The following EDC3 variants were observed in gnomAD, a reference collection of about 807,000 sequenced individuals.
The protein encoded by EDC3 is enhancer of mRNA-decapping protein 3.
In EDC3, 20 loss-of-function variants were observed where a neutral mutation model predicts 41.8. That is an observed-to-expected ratio of 0.48 (90% CI 0.34 to 0.70). The LOEUF is 0.70. Ranked by LOEUF, EDC3 falls within the 30% of genes least tolerant of loss-of-function variation. The pLI, the probability that EDC3 is intolerant of heterozygous loss-of-function variation, is 0.01. For synonymous variants in EDC3, 206 were observed against 243.2 expected (o/e 0.85, Z 1.42); for missense variants, 444 against 636.8 (o/e 0.70, Z 3.26).
Position 74,655,717 on chromosome 15 carries a change from A to T in EDC3, c.820+16T>A. On this transcript the variant is annotated intron_variant, in intron 4 of 6. Transcript: ENST00000315127. ...GCAACAGCAACCAGCAGGATGTGGG[A>T]CCTGATGCAACTCACCCGTGCAGAA... 6.3e-7 allele frequency: 1 copy of T among 1,589,324 alleles called. No homozygotes were observed. The highest frequency in any genetic ancestry group is 1.3e-5 in the African/African-American group (1 of 74,264).
chr15:74,675,226 C>T, intron 1 of EDC3, 84 bp from the exon 2 acceptor site: 1 of 1,286,754 alleles, frequency 7.8e-7, no homozygotes, highest in Non-Finnish European at 1.1e-6. Flanking sequence ...AGGCTCTGTA[C>T]CAAGTGTTGG....
chr15:74,639,252 TA>T (rs1471524417), intron 5 of EDC3: 2 of 141,972 alleles, frequency 1.4e-5, no homozygotes, highest in African/African-American at 2.5e-5. Flanking sequence ...AACACAAGAC[TA>T]ACTATGTCAT....
At chr15:74,646,001 A>G (rs1400411862) in intron 4 of EDC3, among the ~76,000 whole-genome samples, 3 of 151,140 alleles carry the variant, frequency 2.0e-5, no homozygotes, top group African/African-American at 7.4e-5. Context: ...GGGGAAACAG[A>G]GAAAATAAAA....
chr15:74,675,703 AC>A (rs1390248323), intron 1 of EDC3, among the ~76,000 whole-genome samples: 4 of 150,554 alleles, frequency 2.7e-5, no homozygotes, highest in Non-Finnish European at 4.4e-5. Context: ...ACACGGTGAA[AC>A]CCCGTCTCTA....
intron 3 of EDC3, among the ~76,000 whole-genome samples, chr15:74,659,688 T>C (rs991827885): frequency 2.0e-5 from 3 of 150,356 alleles, no homozygotes; most frequent in African/African-American, 4.9e-5. Context: ...TTGGGCAACA[T>C]AGTGGGACCC....
Position 74,671,776 on chromosome 15 carries a change from T to C in EDC3, c.165-2A>G. 6.2e-7 allele frequency: 1 copy of C among 1,610,452 alleles called. No individual in the cohort carries two copies. The stretch of plus-strand genomic sequence containing the variant: ...TTTAACTCCGTAATGTCACCTGCCC[T>C]GAAATACACAAAAAAGCCAAGTCTC... On this transcript the variant is annotated splice_acceptor_variant, in intron 2 of 6. Transcript: ENST00000315127. LOFTEE classifies it high-confidence loss of function. This position sits in a 1 kb window ranked among gnomAD's most constrained non-coding sequence, Gnocchi z 4.6.
In EDC3 at chr15:74,632,359, G is replaced by GC; in HGVS notation, c.*252dup. 8 of 549,984 alleles carry GC rather than the reference G, an allele frequency of 1.5e-5. No individual in the cohort carries two copies. In the South Asian group the frequency reaches 1.7e-4, roughly 12 times the overall value. The allele number at this position is 549,984 out of a possible 1,614,324, so 34.1% of individuals were successfully genotyped here. A position where few individuals can be genotyped will look rare whatever the true frequency, so the allele number is the denominator to read the frequency against. ...TGTAAACAAAGGCCCACCTGGCCGT[G>GC]CAGGGGGCTGAGGGTAGAGATGCCT... On this transcript the variant is annotated 3_prime_UTR_variant, in exon 7 of 7. Transcript: ENST00000315127. The surrounding 1 kb of genome is among the most constrained non-coding windows in gnomAD (Gnocchi z 4.0).
intron 1 of EDC3, among the ~76,000 whole-genome samples, chr15:74,685,416 TATAG>T (rs150352914): frequency 1.5e-4 from 22 of 151,366 alleles, no homozygotes; most frequent in Admixed American, 3.3e-4. Flanking sequence ...ACAAAAAGTA[TATAG>T]ATAGATAGAT....
intron 1 of EDC3, among the ~76,000 whole-genome samples, chr15:74,682,929 G>A (rs2141672708): frequency 6.6e-6 from 1 of 152,076 alleles, no homozygotes; most frequent in Non-Finnish European, 1.5e-5. Flanking sequence ...GGCTGAGGCG[G>A]GAGAATCGCT....
At chr15:74,668,729 T>TGAAA (rs10660702) in intron 3 of EDC3, among the ~76,000 whole-genome samples, 79,953 of 140,190 alleles carry the variant, frequency 0.57, 25,190 homozygotes, top group Non-Finnish European at 0.72. Flanking sequence ...CAAAAATGAA[T>TGAAA]GAAAGAAAGA....
intron 3 of EDC3, among the ~76,000 whole-genome samples, chr15:74,667,913 T>C (rs1451135660): frequency 6.6e-6 from 1 of 152,098 alleles, no homozygotes; most frequent in African/African-American, 2.4e-5. Context: ...AAAGAGTACA[T>C]ATGTAAAGGG....
At chr15:74,647,570 A>C (rs915002838) in intron 4 of EDC3, among the ~76,000 whole-genome samples, 4 of 152,216 alleles carry the variant, frequency 2.6e-5, no homozygotes, top group African/African-American at 9.6e-5. Flanking sequence ...CTATCTTAAC[A>C]GTACTGCTCT....
At chr15:74,668,501 C>T (rs560011502) in intron 3 of EDC3, among the ~76,000 whole-genome samples, 2 of 152,220 alleles carry the variant, frequency 1.3e-5, no homozygotes, top group East Asian at 3.9e-4. Context: ...TCAACAATTT[C>T]TGCTAAAAGA....
At chr15:74,684,325 C>T (rs569767321) in intron 1 of EDC3, among the ~76,000 whole-genome samples, 21 of 151,756 alleles carry the variant, frequency 1.4e-4, no homozygotes, top group African/African-American at 5.1e-4. Context: ...CCCACACCAC[C>T]ACACCCAGCT....
chr15:74,680,577 A>G (rs1328938310), intron 1 of EDC3, among the ~76,000 whole-genome samples: 1 of 152,234 alleles, frequency 6.6e-6, no homozygotes, highest in Non-Finnish European at 1.5e-5. Flanking sequence ...TGCTTTCCCT[A>G]TAAGAACATG....
intron 1 of EDC3, among the ~76,000 whole-genome samples, chr15:74,675,893 AAG>A (rs1044554293): frequency 6.6e-6 from 1 of 151,958 alleles, no homozygotes; most frequent in African/African-American, 2.4e-5. Context: ...AAAAAAAAAA[AAG>A]AAATTTTTTT....
chr15:74,634,316 T>C (rs2062245791), intron 6 of EDC3, among the ~76,000 whole-genome samples: 2 of 152,218 alleles, frequency 1.3e-5, no homozygotes, highest in African/African-American at 2.4e-5. Context: ...TGACCATTCC[T>C]GTCCCATCTC....
chr15:74,633,618 C>T (rs915301758), intron 6 of EDC3, among the ~76,000 whole-genome samples: 1 of 152,206 alleles, frequency 6.6e-6, no homozygotes, highest in Non-Finnish European at 1.5e-5. Context: ...AAAAGGATGT[C>T]TCAACAAGTA....
intron 1 of EDC3, among the ~76,000 whole-genome samples, chr15:74,685,326 C>A (rs186335174): frequency 5.9e-5 from 9 of 152,154 alleles, no homozygotes; most frequent in Admixed American, 5.2e-4. Context: ...CCACTTGAGC[C>A]CGGAAGGTCA....
Sources: allele counts gnomAD v4.1 joint callset (sites outside exome capture counted in the v4.1 genomes callset), GRCh38; gene constraint gnomAD v4.1.1; non-coding constraint Gnocchi (gnomAD v3.1); transcripts MANE v1.5; gene names NCBI Gene and HGNC (gene_info 2026-07-23, HGNC 2026-07-21).